PAIP1: variants seen among roughly 807,000 people sequenced by gnomAD.
PAIP1 encodes the protein polyadenylate-binding protein-interacting protein 1.
In PAIP1, 16 loss-of-function variants were observed where a neutral mutation model predicts 61.3. That is an observed-to-expected ratio of 0.26 (90% CI 0.18 to 0.40). PAIP1 has a LOEUF of 0.40. Among genes scored for constraint, PAIP1 ranks in the 10% least tolerant of loss-of-function variants. The pLI, the probability that PAIP1 is intolerant of heterozygous loss-of-function variation, is 1.00. For missense variants in PAIP1, 416 were observed against 600.9 expected, an observed-to-expected ratio of 0.69 and a Z score of 3.22; for synonymous variants, 187 against 226.2, an observed-to-expected ratio of 0.83 and a Z score of 1.56.
intron 7 of PAIP1, 141 bp downstream of exon 7, chr5:43,535,393 T>C (rs1579910070): frequency 1.6e-6 from 1 of 636,670 alleles, no homozygotes. Flanking sequence ...GGTAAAATAT[T>C]ATTCCTTTAA....
intron 2 of PAIP1, among the ~76,000 whole-genome samples, chr5:43,549,223 T>C (rs915032077): frequency 1.3e-5 from 2 of 152,168 alleles, no homozygotes; most frequent in African/African-American, 4.8e-5. Context: ...TACAGGCCAC[T>C]GCGCCTGGCC....
At chr5:43,537,087 A>C (rs1377112518) in intron 5 of PAIP1, 143 bp from the exon 6 acceptor site, 2 of 510,976 alleles carry the variant, frequency 3.9e-6, no homozygotes, top group Non-Finnish European at 6.9e-6. Flanking sequence ...TCTTCACAGA[A>C]TTTGTTAGAA....
rs1229158827 is a variant in PAIP1, at chr5:43,526,326, CA to C, written c.*1049del. The C allele has an allele frequency of 6.6e-6, 1 of 151,582 alleles. No homozygotes were observed. Among genetic ancestry groups the C allele is most frequent in the Non-Finnish European group, 1.5e-5 (1 of 67,442 alleles). The allele number at this position is 151,582 out of a possible 1,614,324, so 9.4% of individuals were successfully genotyped here. A position where few individuals can be genotyped will look rare whatever the true frequency, so the allele number is the denominator to read the frequency against. ...AAGTCTAATTTTAATTCAGACTGAA[CA>C]AACAAGCAGAAAAGTGAGAAAGCTA... On this transcript the variant is annotated 3_prime_UTR_variant, in exon 11 of 11. Transcript: ENST00000306846.
At chr5:43,539,452 T>TACACACACACACACAC (rs34509892) in intron 4 of PAIP1, among the ~76,000 whole-genome samples, 1 of 148,578 alleles carries the variant, frequency 6.7e-6, no homozygotes, top group African/African-American at 2.5e-5. Flanking sequence ...GATCTTTAAA[T>TACACACACACACACAC]ACACACACAC....
chr5:43,527,886 G>A (rs1746769468), intron 10 of PAIP1, among the ~76,000 whole-genome samples: 1 of 152,138 alleles, frequency 6.6e-6, no homozygotes, highest in Non-Finnish European at 1.5e-5. Flanking sequence ...AATATTTTGT[G>A]TCTACTTAAT....
intron 3 of PAIP1, among the ~76,000 whole-genome samples, chr5:43,545,091 T>A (rs1020761965): frequency 3.9e-5 from 6 of 152,248 alleles, no homozygotes; most frequent in African/African-American, 7.2e-5. Context: ...CACAACTTTG[T>A]CTTCCCTAGA....
At chr5:43,533,955 C>A in intron 8 of PAIP1, among the ~76,000 whole-genome samples, 163 bp from the exon 9 acceptor site, 1 of 152,212 alleles carries the variant, frequency 6.6e-6, no homozygotes, top group East Asian at 1.9e-4. Flanking sequence ...CTGAGAAAGT[C>A]TATGGTTTTC....
At chr5:43,535,701 A>C in intron 6 of PAIP1, 61 bp from the exon 7 acceptor site, 1 of 877,158 alleles carries the variant, frequency 1.1e-6, no homozygotes, top group Non-Finnish European at 1.9e-6. Flanking sequence ...AATTCTAAAA[A>C]GATACCAGTA....
chr5:43,547,496 T>C (rs1249258356), intron 3 of PAIP1, among the ~76,000 whole-genome samples: 1 of 152,176 alleles, frequency 6.6e-6, no homozygotes, highest in East Asian at 1.9e-4. Context: ...CAGGTGAATA[T>C]TACCTATATT....
At chr5:43,543,597 T>C (rs1210739660) in intron 3 of PAIP1, among the ~76,000 whole-genome samples, 1 of 151,996 alleles carries the variant, frequency 6.6e-6, no homozygotes, top group Admixed American at 6.6e-5. Flanking sequence ...AGTTAGACTT[T>C]AAAGAGGTGA....
chr5:43,530,044 C>T (rs995900634), intron 9 of PAIP1, among the ~76,000 whole-genome samples, 165 bp from the exon 10 acceptor site: 2 of 152,160 alleles, frequency 1.3e-5, no homozygotes, highest in African/African-American at 2.4e-5. Context: ...AAATCAAAGC[C>T]ACTGTAGGTG....
At chr5:43,529,982 C>G in intron 9 of PAIP1, 103 bp from the exon 10 acceptor site, 1 of 655,290 alleles carries the variant, frequency 1.5e-6, no homozygotes, top group Admixed American at 2.5e-5. Context: ...TGCCCCCCTG[C>G]ATGCTCAGAA....
Position 43,556,838 on chromosome 5 carries a change from G to C in PAIP1, c.9C>G (p.Asp3Glu). ...CAGCACCTGGGGCCCGATCGAAACC[G>C]TCCGACATGCTCCTCCTCCTCCGCC... MS[D>E]GFDRAPGAGR... Residue 3 changes from aspartate to glutamate, a missense_variant, in exon 1 of 11, where the codon GAC becomes GAG. Asp to Glu is a conservative substitution (Grantham distance 45). Around this residue, in one of 4 missense-constraint regions of PAIP1, gnomAD observed 97 missense variants for 89.5 expected, o/e 1.08. Transcript: ENST00000306846. 1 of 1,443,354 alleles carries C rather than the reference G, an allele frequency of 6.9e-7. No homozygotes were observed. The highest frequency in any genetic ancestry group is 9.1e-7 in the Non-Finnish European group (1 of 1,100,202). The allele number at this position is 1,443,354 out of a possible 1,614,324, so 89.4% of individuals were successfully genotyped here. A position where few individuals can be genotyped will look rare whatever the true frequency, so the allele number is the denominator to read the frequency against.
chr5:43,543,746 A>G (rs1164425150), intron 3 of PAIP1, among the ~76,000 whole-genome samples: 7 of 152,230 alleles, frequency 4.6e-5, no homozygotes, highest in Non-Finnish European at 2.9e-5. Context: ...GATTGTTGAT[A>G]TAACTGAAGC....
At chr5:43,548,712 G>A (rs536432535) in intron 2 of PAIP1, among the ~76,000 whole-genome samples, 7 of 152,248 alleles carry the variant, frequency 4.6e-5, no homozygotes, top group Non-Finnish European at 7.4e-5. Flanking sequence ...AATACCACCC[G>A]AAGCGCTTTA....
In PAIP1 at chr5:43,556,861, G is replaced by GCCT; in HGVS notation, c.-18_-16dup. ...CCGTCCGACATGCTCCTCCTCCTCCGCCTCCTCCTCCAGGGGCCGCTGCCG... is the reference window on the plus strand; with the variant it reads ...CCGTCCGACATGCTCCTCCTCCTCCGCCTCCTCCTCCTCCAGGGGCCGCTGCCG... On this transcript the variant is annotated 5_prime_UTR_variant, in exon 1 of 11. Transcript: ENST00000306846. 4.3e-6 allele frequency: 6 copies of GCCT among 1,406,410 alleles called. No individual in the cohort carries two copies. Among genetic ancestry groups the GCCT allele is most frequent in the Non-Finnish European group, 5.5e-6 (6 of 1,083,566 alleles). The allele number at this position is 1,406,410 out of a possible 1,614,324, so 87.1% of individuals were successfully genotyped here.
intron 2 of PAIP1, among the ~76,000 whole-genome samples, chr5:43,554,491 C>CT (rs1467849063): frequency 1.3e-5 from 2 of 152,116 alleles, no homozygotes; most frequent in Non-Finnish European, 2.9e-5. Flanking sequence ...AATCCCAAAG[C>CT]TTTTTCCTAT....
chr5:43,535,450 A>G, intron 7 of PAIP1, 84 bp downstream of exon 7: 1 of 761,366 alleles, frequency 1.3e-6, no homozygotes, highest in Admixed American at 2.1e-5. Flanking sequence ...TACCCTGCTG[A>G]AGTATAGCAA....
At chr5:43,541,510 A>C (rs962272565) in intron 4 of PAIP1, among the ~76,000 whole-genome samples, 12 of 149,592 alleles carry the variant, frequency 8.0e-5, no homozygotes, top group African/African-American at 3.0e-4. Context: ...AGAGAGTGAG[A>C]TGGGAACTCA....
Sources: gnomAD v4.1 joint callset for allele counts (sites outside exome capture counted in the v4.1 genomes callset) on GRCh38, gnomAD v4.1.1 for gene constraint, gnomAD v4.1.1 regional missense constraint, MANE v1.5 for transcripts, NCBI Gene and HGNC (gene_info 2026-07-23, HGNC 2026-07-21) for gene names.